Variants in HS6ST3 observed in about 807,000 individuals in gnomAD.
The protein encoded by HS6ST3 is heparan sulfate 6-O-sulfotransferase 3.
In HS6ST3, 12 loss-of-function variants were observed where a neutral mutation model predicts 36.7. The ratio of observed to expected loss-of-function variants is 0.33; its 90% CI spans 0.21 to 0.53. The LOEUF (loss-of-function observed/expected upper bound fraction) is 0.53. Ranked by LOEUF, HS6ST3 falls within the 20% of genes least tolerant of loss-of-function variation. The pLI, the probability that HS6ST3 is intolerant of heterozygous loss-of-function variation, is 0.95. For synonymous variants in HS6ST3, 240 were observed against 257.5 expected, an observed-to-expected ratio of 0.93 and a Z score of 0.65; for missense variants, 584 against 640.9, an observed-to-expected ratio of 0.91 and a Z score of 0.96.
chr13:96,411,671 A>T (rs1415612677), intron 1 of HS6ST3, among the ~76,000 whole-genome samples: 1 of 152,242 alleles, frequency 6.6e-6, no homozygotes, highest in African/African-American at 2.4e-5. Flanking sequence ...GCTAGAGAAC[A>T]GATTGGCCGG....
At chr13:96,681,189 A>G in intron 1 of HS6ST3, among the ~76,000 whole-genome samples, 1 of 152,210 alleles carries the variant, frequency 6.6e-6, no homozygotes, top group East Asian at 1.9e-4. Flanking sequence ...AATATTGTAA[A>G]TAACTACAAA....
chr13:96,460,172 T>C (rs1172689360), intron 1 of HS6ST3, among the ~76,000 whole-genome samples: 6 of 152,116 alleles, frequency 3.9e-5, no homozygotes, highest in Admixed American at 1.3e-4. Flanking sequence ...AATTGAACCA[T>C]TTTTCTATGT....
intron 1 of HS6ST3, among the ~76,000 whole-genome samples, chr13:96,682,346 T>C (rs2056721309): frequency 6.6e-6 from 1 of 152,134 alleles, no homozygotes; most frequent in South Asian, 2.1e-4. Flanking sequence ...TTCACCAAGC[T>C]CAGTAAAATC....
intron 1 of HS6ST3, among the ~76,000 whole-genome samples, chr13:96,693,794 A>T (rs1875045102): frequency 6.6e-6 from 1 of 152,192 alleles, no homozygotes; most frequent in South Asian, 2.1e-4. Context: ...TCAATCTCTG[A>T]ACATCTTTTA....
At chr13:96,688,991 T>C (rs1348181369) in intron 1 of HS6ST3, among the ~76,000 whole-genome samples, 2 of 152,028 alleles carry the variant, frequency 1.3e-5, no homozygotes, top group Non-Finnish European at 2.9e-5. Context: ...TACCTATTAT[T>C]TGGGTCTTCT....
chr13:96,617,176 C>T (rs1404873643), intron 1 of HS6ST3, among the ~76,000 whole-genome samples: 1 of 152,190 alleles, frequency 6.6e-6, no homozygotes, highest in Admixed American at 6.5e-5. Context: ...TTGAATCAGA[C>T]TTAAATACAG....
At chr13:96,179,818 C>A (rs562043919) in intron 1 of HS6ST3, among the ~76,000 whole-genome samples, 1 of 151,858 alleles carries the variant, frequency 6.6e-6, no homozygotes, top group South Asian at 2.1e-4. Context: ...GTATTTCCTG[C>A]TATTTTATTT....
intron 1 of HS6ST3, among the ~76,000 whole-genome samples, chr13:96,381,402 G>GTATCTATC (rs1278427681): frequency 5.5e-5 from 3 of 54,646 alleles, no homozygotes; most frequent in Non-Finnish European, 1.5e-4. Flanking sequence ...ATGTATCTAT[G>GTATCTATC]TATCTATGTA....
chr13:96,091,200 A>C lies in HS6ST3; in HGVS notation c.338A>C (p.Glu113Ala), dbSNP rs2053761801. The change falls in exon 1 of 2, where the codon GAG (glutamate) becomes GCG (alanine). Residue 113 changes from glutamate (E) to alanine (A), a missense_variant. Physicochemically the swap from Glu to Ala is moderately radical, Grantham distance 107. Transcript: ENST00000376705. ...EEEEEDEPDP[E>A]APENGSLPRF... ...GAGGAGGAAGACGAGCCGGACCCCGAGGCCCCGGAAAACGGCTCCCTGCCC... is the reference window on the plus strand; with the variant it reads ...GAGGAGGAAGACGAGCCGGACCCCGCGGCCCCGGAAAACGGCTCCCTGCCC... 1 of 1,559,108 alleles carries C rather than the reference A, an allele frequency of 6.4e-7. No individual in the cohort carries two copies. The highest frequency in any genetic ancestry group is 1.9e-5 in the Admixed American group (1 of 52,008).
intron 1 of HS6ST3, among the ~76,000 whole-genome samples, chr13:96,543,839 C>T (rs576183758): frequency 6.6e-6 from 1 of 151,966 alleles, no homozygotes; most frequent in African/African-American, 2.4e-5. Flanking sequence ...CTTCTTATGA[C>T]CTATTAATAA....
chr13:96,566,891 A>G (rs1323556513), intron 1 of HS6ST3, among the ~76,000 whole-genome samples: 1 of 152,184 alleles, frequency 6.6e-6, no homozygotes, highest in East Asian at 1.9e-4. Context: ...TAACAGAGGA[A>G]ATAACTTAAA....
At chr13:96,795,117 TC>T in intron 1 of HS6ST3, among the ~76,000 whole-genome samples, 1 of 152,068 alleles carries the variant, frequency 6.6e-6, no homozygotes, top group East Asian at 1.9e-4. Flanking sequence ...TATGTCAAAG[TC>T]ATTCCAGCAC....
At chr13:96,711,339 G>T (rs920758580) in intron 1 of HS6ST3, among the ~76,000 whole-genome samples, 2 of 152,138 alleles carry the variant, frequency 1.3e-5, no homozygotes, top group African/African-American at 4.8e-5. Flanking sequence ...TGAACTAAGT[G>T]CTCTAATGAT....
intron 1 of HS6ST3, among the ~76,000 whole-genome samples, chr13:96,305,778 A>C (rs1003788321): frequency 1.1e-4 from 17 of 152,126 alleles, no homozygotes; most frequent in African/African-American, 3.9e-4. Context: ...AGTTGGTTCA[A>C]GATCAATTTG....
At chr13:96,125,539 A>G (rs1397880118) in intron 1 of HS6ST3, among the ~76,000 whole-genome samples, 3 of 152,082 alleles carry the variant, frequency 2.0e-5, no homozygotes, top group Non-Finnish European at 4.4e-5. Flanking sequence ...ATCATACTAT[A>G]TCTTCATATC....
chr13:96,319,575 TC>T, intron 1 of HS6ST3, among the ~76,000 whole-genome samples: 1 of 152,324 alleles, frequency 6.6e-6, no homozygotes, highest in African/African-American at 2.4e-5. Flanking sequence ...GCAAGACTTT[TC>T]CCCAAAGTGG....
intron 1 of HS6ST3, among the ~76,000 whole-genome samples, chr13:96,697,037 A>G (rs1158482435): frequency 6.6e-6 from 1 of 152,158 alleles, no homozygotes; most frequent in African/African-American, 2.4e-5. Context: ...CGGGAAACAG[A>G]TCACTTATAA....
chr13:96,803,305 G>A (rs1878126200), intron 1 of HS6ST3, among the ~76,000 whole-genome samples: 1 of 152,136 alleles, frequency 6.6e-6, no homozygotes, highest in Non-Finnish European at 1.5e-5. Flanking sequence ...TCTCATCTTT[G>A]CAGAGTTGAC....
At chr13:96,447,330 G>A (rs1594782376) in intron 1 of HS6ST3, among the ~76,000 whole-genome samples, 1 of 152,004 alleles carries the variant, frequency 6.6e-6, no homozygotes, top group Non-Finnish European at 1.5e-5. Flanking sequence ...CAGAAGACCT[G>A]CACTTGTGTA....
Sources: allele counts gnomAD v4.1 joint callset (sites outside exome capture counted in the v4.1 genomes callset), GRCh38; gene constraint gnomAD v4.1.1; transcripts MANE v1.5; gene names NCBI Gene and HGNC (gene_info 2026-07-23, HGNC 2026-07-21).